VPS13D: variants seen among roughly 807,000 people sequenced by gnomAD.
VPS13D encodes the protein vacuolar protein sorting 13 homolog D.
Under a neutral mutation model 461.9 loss-of-function variants are expected in VPS13D, and 187 were observed. That is an observed-to-expected ratio of 0.40 (90% confidence interval 0.36 to 0.46). The LOEUF (loss-of-function observed/expected upper bound fraction) is 0.46. VPS13D is among the 20% of genes least tolerant of loss of function. The pLI, the probability that VPS13D is intolerant of heterozygous loss-of-function variation, is 0.60. For missense variants in VPS13D, 4,711 were observed against 5,364.9 expected (o/e 0.88, Z 3.81); for synonymous variants, 1,951 against 1,986.3 (o/e 0.98, Z 0.47).
intron 43 of VPS13D, among the ~76,000 whole-genome samples, 171 bp downstream of exon 43, chr1:12,345,680 A>G (rs77070830): frequency 0.01 from 1,596 of 152,286 alleles, 20 homozygotes; most frequent in African/African-American, 0.036. Context: ...AAGCCAGCCA[A>G]TGGTTAGTTT....
intron 40 of VPS13D, among the ~76,000 whole-genome samples, chr1:12,341,229 GA>G (rs1387316103): frequency 6.6e-6 from 1 of 152,154 alleles, no homozygotes; most frequent in Admixed American, 6.5e-5. Context: ...AATTTTGTTT[GA>G]AAAGCTTTGA....
At chr1:12,373,380 C>T (rs544342450) in intron 54 of VPS13D, among the ~76,000 whole-genome samples, 1 of 151,924 alleles carries the variant, frequency 6.6e-6, no homozygotes, top group Admixed American at 6.5e-5. Context: ...CTTGGCCTCC[C>T]AAAGTGCTGG....
chr1:12,456,228 G>A (rs1202932232), intron 66 of VPS13D, 98 bp downstream of exon 66: 2 of 1,470,608 alleles, frequency 1.4e-6, no homozygotes, highest in African/African-American at 1.4e-5. Flanking sequence ...GGTGGGCTGG[G>A]CGCGGTGGCT....
chr1:12,510,316 C>G lies in VPS13D; in HGVS notation c.*1292C>G, dbSNP rs1298713164. On this transcript the variant is annotated 3_prime_UTR_variant, in exon 70 of 70. Coordinates refer to ENST00000620676, the MANE Select transcript of VPS13D (RefSeq NM_015378.4). ...GCCTCACTTTAGAATGAATGAGTCA[C>G]CTTGTGATTTTTAAATTTTTATTTT... The G allele has an allele frequency of 6.6e-6, 1 of 152,086 alleles. No individual in the cohort carries two copies. The highest frequency in any genetic ancestry group is 2.4e-5 in the African/African-American group (1 of 41,400). The allele number at this position is 152,086 out of a possible 1,614,324, so 9.4% of individuals were successfully genotyped here.
At chr1:12,417,667 T>C (rs1644812231) in intron 65 of VPS13D, among the ~76,000 whole-genome samples, 1 of 152,178 alleles carries the variant, frequency 6.6e-6, no homozygotes, top group Non-Finnish European at 1.5e-5. Context: ...AAAGAGATCT[T>C]TGTGGCACCG....
At chr1:12,335,882 T>C (rs1209226596) in intron 39 of VPS13D, 55 bp downstream of exon 39, 3 of 1,607,684 alleles carry the variant, frequency 1.9e-6, no homozygotes, top group Non-Finnish European at 2.6e-6. Context: ...TACAAAGCAA[T>C]GCTTCACTGA....
chr1:12,361,398 TATTTA>T (rs1643945994), intron 50 of VPS13D, among the ~76,000 whole-genome samples: 3 of 144,892 alleles, frequency 2.1e-5, no homozygotes, highest in Non-Finnish European at 3.0e-5. Context: ...TTTATTTATT[TATTTA>T]TTTTTTTTTT....
In VPS13D at chr1:12,505,733, T is replaced by C. The variant is rs535195458; in HGVS notation, c.12795-1120T>C. Among the ~76,000 whole-genome samples, 1 of 152,244 alleles carries C rather than the reference T, an allele frequency of 6.6e-6. No homozygotes were observed. Among genetic ancestry groups the C allele is most frequent in the African/African-American group, 2.4e-5 (1 of 41,556 alleles). On this transcript the variant is annotated intron_variant, in intron 68 of 69. Transcript: ENST00000620676. This position sits in a 1 kb window ranked among gnomAD's most constrained non-coding sequence, Gnocchi z 4.2. Reference sequence around the variant, plus strand: ...CAAAAGTGGAGGAGGGGCTGGAGTATGTGGGGGATGCTTCACAGAGAAGTT... The same window carrying C: ...CAAAAGTGGAGGAGGGGCTGGAGTACGTGGGGGATGCTTCACAGAGAAGTT...
In VPS13D at chr1:12,283,745, A is replaced by G. The variant is rs750980427; in HGVS notation, c.5634+9A>G. The stretch of plus-strand genomic sequence containing the variant: ...CCAAACTGGATCTCAAGGTATCCTC[A>G]GTTCCCTTTGGCTCCCTTAAGCTCT... On this transcript the variant is annotated intron_variant, in intron 21 of 69. Coordinates refer to ENST00000620676, the MANE Select transcript of VPS13D (RefSeq NM_015378.4). 7 of 1,603,602 alleles carry G rather than the reference A, an allele frequency of 4.4e-6. No homozygotes were observed. The South Asian group carries it at 6.6e-5, about 15-fold the overall frequency.
chr1:12,357,726 C>T (rs986221486), intron 49 of VPS13D, among the ~76,000 whole-genome samples: 1 of 152,150 alleles, frequency 6.6e-6, no homozygotes, highest in Admixed American at 6.5e-5. Flanking sequence ...TAGTATCAGG[C>T]CGGCTGGGTA....
At chr1:12,323,852 T>G (rs1643109194) in intron 35 of VPS13D, 72 bp downstream of exon 35, 1 of 1,493,192 alleles carries the variant, frequency 6.7e-7, no homozygotes, top group Non-Finnish European at 9.3e-7. Context: ...CCTCTCTTAC[T>G]TCCACAAGGT....
At position 12,299,470 on chromosome 1, in the gene VPS13D, C is replaced by T; in HGVS notation, c.6216+86C>T. ...ATTTGTATGCTGCTGTAAGATGATC[C>T]ATAATTGCTATTACTTTTGTAGGGT... is the stretch of plus-strand genomic sequence containing the variant. On this transcript the variant is annotated intron_variant, in intron 25 of 69. Transcript: ENST00000620676. The surrounding 1 kb of genome is among the most constrained non-coding windows in gnomAD (Gnocchi z 4.2). 7.0e-7 allele frequency: 1 copy of T among 1,431,816 alleles called. No individual in the cohort carries two copies. Among genetic ancestry groups the T allele is most frequent in the Non-Finnish European group, 9.3e-7 (1 of 1,070,910 alleles). The allele number at this position is 1,431,816 out of a possible 1,614,324, so 88.7% of individuals were successfully genotyped here.
At chr1:12,333,072 A>G (rs1569932942) in intron 37 of VPS13D, among the ~76,000 whole-genome samples, 154 bp from the exon 38 acceptor site, 1 of 152,216 alleles carries the variant, frequency 6.6e-6, no homozygotes, top group Non-Finnish European at 1.5e-5. Flanking sequence ...GGTGACCTGT[A>G]GCTAAAGGTG....
intron 63 of VPS13D, among the ~76,000 whole-genome samples, chr1:12,405,595 G>A (rs943507100): frequency 6.6e-6 from 1 of 152,164 alleles, no homozygotes; most frequent in Non-Finnish European, 1.5e-5. Context: ...TTCACTCACT[G>A]CCCTGTCTGC....
chr1:12,277,805 T>G lies in VPS13D; in HGVS notation c.4217T>G (p.Phe1406Cys), dbSNP rs199511634. Residue 1406 changes from phenylalanine (F) to cysteine (C), a missense_variant, in exon 19 of 70, where the codon TTC (phenylalanine) becomes TGC (cysteine). Around this residue, in one of 3 missense-constraint regions of VPS13D, gnomAD observed 4,411 missense variants for 4,937.8 expected, o/e 0.89. Coordinates refer to ENST00000620676, the MANE Select transcript of VPS13D (RefSeq NM_015378.4). ...TTGGTGGGACACTTGGGACAGATAT[T>G]CATCCAGAATTTTGTGGCGGGAGAT... ...ELLVGHLGQI[F>C]IQNFVAGDDE... The G allele has an allele frequency of 1.2e-6, 2 of 1,614,182 alleles. No individual in the cohort carries two copies. The highest frequency in any genetic ancestry group is 1.7e-6 in the Non-Finnish European group (2 of 1,180,028).
chr1:12,315,963 C>T (rs1191587323), intron 30 of VPS13D, among the ~76,000 whole-genome samples: 1 of 152,068 alleles, frequency 6.6e-6, no homozygotes, highest in Non-Finnish European at 1.5e-5. Flanking sequence ...ACTACAGGCT[C>T]CTGCCACCAT....
intron 7 of VPS13D, among the ~76,000 whole-genome samples, chr1:12,255,831 C>T (rs1171956633): frequency 6.9e-6 from 1 of 144,216 alleles, no homozygotes; most frequent in African/African-American, 2.6e-5. Context: ...TCGGAGGTTG[C>T]AGTGAGCCGA....
intron 67 of VPS13D, among the ~76,000 whole-genome samples, chr1:12,483,365 A>G (rs1645750154): frequency 6.6e-6 from 1 of 152,244 alleles, no homozygotes; most frequent in Non-Finnish European, 1.5e-5. Flanking sequence ...AGAAGCGTTG[A>G]AACATCTTTT....
chr1:12,501,794 A>C (rs1272169497), intron 68 of VPS13D, among the ~76,000 whole-genome samples: 1 of 152,210 alleles, frequency 6.6e-6, no homozygotes, highest in Non-Finnish European at 1.5e-5. Flanking sequence ...GGAACCACAG[A>C]TGGGAAGTGA....
Sources: gnomAD v4.1 joint callset for allele counts (sites outside exome capture counted in the v4.1 genomes callset) on GRCh38, gnomAD v4.1.1 for gene constraint, gnomAD v4.1.1 regional missense constraint, Gnocchi (gnomAD v3.1) non-coding constraint, MANE v1.5 for transcripts, NCBI Gene and HGNC (gene_info 2026-07-23, HGNC 2026-07-21) for gene names.